Variants in PPP1R37 observed in about 807,000 individuals in gnomAD.
PPP1R37 encodes protein phosphatase 1 regulatory subunit 37.
PPP1R37 carries 21 observed loss-of-function variants against 61.0 expected under a neutral mutation model. The observed-to-expected ratio is 0.34, with a 90% CI of 0.24 to 0.50. The LOEUF is 0.50. PPP1R37 is among the 20% of genes least tolerant of loss of function. The pLI, the probability that PPP1R37 is intolerant of heterozygous loss-of-function variation, is 0.98. For missense variants in PPP1R37, 910 were observed against 952.7 expected, an observed-to-expected ratio of 0.96 and a Z score of 0.59; for synonymous variants, 443 against 433.5, an observed-to-expected ratio of 1.02 and a Z score of -0.27.
chr19:45,097,350 A>T (rs557641150), intron 1 of PPP1R37, among the ~76,000 whole-genome samples: 284 of 151,950 alleles, frequency 1.9e-3, no homozygotes, highest in African/African-American at 6.6e-3. Flanking sequence ...AGTTATCCGG[A>T]AGCTGTTGTG....
chr19:45,112,784 T>A (rs543116314), intron 1 of PPP1R37, among the ~76,000 whole-genome samples: 2 of 152,292 alleles, frequency 1.3e-5, no homozygotes, highest in African/African-American at 4.8e-5. Context: ...TCTTGGACGC[T>A]GTTTCCAGCA....
At chr19:45,128,686 TC>T in intron 1 of PPP1R37, 1 of 1,139,814 alleles carries the variant, frequency 8.8e-7, no homozygotes, top group Non-Finnish European at 1.3e-6. Flanking sequence ...CCCTGTAAGG[TC>T]TTTGAGATGT....
In PPP1R37 at chr19:45,096,174, TG is replaced by T. The variant is rs151294306; in HGVS notation, c.202+2651del. ...GGGCTGGTGTGGAGGAGTTCATGCA[TG>T]GGGTGGGGCCTGGATGTGGCTGCTT... On this transcript the variant is annotated intron_variant, in intron 1 of 12. Coordinates refer to ENST00000221462, the MANE Select transcript of PPP1R37 (RefSeq NM_019121.2). Among the ~76,000 whole-genome samples the T allele has an allele frequency of 1.3e-3, 201 of 152,034 alleles. 1 individual carries two copies. Among genetic ancestry groups the T allele is most frequent in the African/African-American group, 4.6e-3 (189 of 41,472 alleles).
chr19:45,101,912 G>C (rs1301689180), intron 1 of PPP1R37, among the ~76,000 whole-genome samples: 1 of 152,168 alleles, frequency 6.6e-6, no homozygotes, highest in Non-Finnish European at 1.5e-5. Flanking sequence ...AGATTCCTCT[G>C]AGTCCTCCCC....
At chr19:45,129,036 G>C (rs990644823) in intron 1 of PPP1R37, 1 of 811,120 alleles carries the variant, frequency 1.2e-6, no homozygotes, top group African/African-American at 1.7e-5. Context: ...AAAAGAACTG[G>C]CTCCCAGGGT....
Position 45,142,089 on chromosome 19 carries a change from G to A in PPP1R37, c.596G>A (p.Arg199His), listed in dbSNP as rs938722979. 5.4e-5 allele frequency: 83 copies of A among 1,528,160 alleles called. No homozygotes were observed. The highest frequency in any genetic ancestry group is 1.8e-4 in the Admixed American group (9 of 50,450). The allele number at this position is 1,528,160 out of a possible 1,614,324, so 94.7% of individuals were successfully genotyped here. A position where few individuals can be genotyped will look rare whatever the true frequency, so the allele number is the denominator to read the frequency against. ...AGCTGCCTGCAGTATCTGGACGCCC[G>A]CAACACGCCCCTGCTGGACCACTCG... ...KTSCLQYLDA[R>H]NTPLLDHSAP... The change falls in exon 6 of 13, where the codon CGC becomes CAC. Residue 199 changes from arginine to histidine, a missense_variant. Arg to His is a conservative substitution (Grantham distance 29). Coordinates refer to ENST00000221462, the MANE Select transcript of PPP1R37 (RefSeq NM_019121.2).
intron 7 of PPP1R37, 162 bp downstream of exon 7, chr19:45,142,620 C>A: frequency 1.4e-6 from 1 of 739,292 alleles, no homozygotes; most frequent in Non-Finnish European, 2.2e-6. Flanking sequence ...ACAGTGACAA[C>A]CTAGAGTGGG....
intron 1 of PPP1R37, among the ~76,000 whole-genome samples, chr19:45,120,936 T>G (rs1968334881): frequency 6.6e-6 from 1 of 152,210 alleles, no homozygotes; most frequent in African/African-American, 2.4e-5. Context: ...TACTTTTGAC[T>G]GGTCTTGCCA....
At chr19:45,138,809 C>G (rs188536883) in intron 2 of PPP1R37, among the ~76,000 whole-genome samples, 198 bp downstream of exon 2, 35 of 151,672 alleles carry the variant, frequency 2.3e-4, no homozygotes, top group African/African-American at 8.0e-4. Context: ...TAAAGTAAGA[C>G]ATTCAGGTAT....
rs181892446 is a variant in PPP1R37 at position 45,141,348 on chromosome 19, C to T, written c.474C>T (p.Ile158=). ...GTGCCTCGGCCCTCTTCGACATGATCGAGTACTACGAGTCGGCCACCCACC... is the reference window on the plus strand; with the variant it reads ...GTGCCTCGGCCCTCTTCGACATGATTGAGTACTACGAGTCGGCCACCCACC... The part of the protein sequence containing the change: ...EDGASALFDM[I]EYYESATHLN... The change falls in exon 5 of 13, where the codon ATC becomes ATT. Residue 158 remains isoleucine, a synonymous_variant. Coordinates refer to ENST00000221462, the MANE Select transcript of PPP1R37 (RefSeq NM_019121.2). The T allele has an allele frequency of 1.2e-4, 187 of 1,536,026 alleles. No individual in the cohort carries two copies. Among genetic ancestry groups the T allele is most frequent in the African/African-American group, 9.2e-4 (67 of 73,172 alleles).
chr19:45,140,247 C>T lies in PPP1R37; in HGVS notation c.312C>T (p.Asp104=), dbSNP rs1445379307. ...CTCTACTTTCTCAGGAATTCACAGA[C>T]CTCGGGCACCGCCTCGACTGTCTGG... ...KLLRQLQEFT[D]LGHRLDCLDL... is the part of the protein sequence containing the mutation. The change falls in exon 3 of 13, where the codon GAC becomes GAT. Residue 104 remains aspartate, a synonymous_variant. Coordinates refer to ENST00000221462, the MANE Select transcript of PPP1R37 (RefSeq NM_019121.2). The T allele has an allele frequency of 6.5e-7, 1 of 1,536,112 alleles. No homozygotes were observed. The highest frequency in any genetic ancestry group is 2.4e-5 in the East Asian group (1 of 40,922).
intron 1 of PPP1R37, among the ~76,000 whole-genome samples, chr19:45,122,293 CA>C (rs1240123901): frequency 6.6e-6 from 1 of 152,182 alleles, no homozygotes; most frequent in Non-Finnish European, 1.5e-5. Flanking sequence ...CTGCCATAGA[CA>C]AGAAGGGACC....
In PPP1R37 at chr19:45,112,829, G is replaced by A. The variant is rs570445524; in HGVS notation, c.202+19302G>A. On this transcript the variant is annotated intron_variant, in intron 1 of 12. Transcript: ENST00000221462. ...CCGGGGCACAGAGCAGGTGCTGGGT[G>A]AAGCAGGTGCTGGGTGAAGCAGGTA... Among the ~76,000 whole-genome samples, 6 of 152,208 alleles carry A rather than the reference G, an allele frequency of 3.9e-5. No individual in the cohort carries two copies. In the East Asian group the frequency reaches 1.2e-3, roughly 29 times the overall value.
At chr19:45,099,557 G>C (rs1334016564) in intron 1 of PPP1R37, among the ~76,000 whole-genome samples, 1 of 152,202 alleles carries the variant, frequency 6.6e-6, no homozygotes, top group Non-Finnish European at 1.5e-5. Context: ...GCTGGTGCCT[G>C]TCCTCTGCCC....
In PPP1R37 at chr19:45,145,935, C is replaced by T; in HGVS notation, c.1879C>T (p.Pro627Ser). 6.5e-7 allele frequency: 1 copy of T among 1,534,860 alleles called. No individual in the cohort carries two copies. The highest frequency in any genetic ancestry group is 8.7e-7 in the Non-Finnish European group (1 of 1,146,518). ...TGAGCCTCAGCCACCACCGGAGCCGCCTCGGTCAGGGCCACCACTGCCCAA... is the reference window on the plus strand; with the variant it reads ...TGAGCCTCAGCCACCACCGGAGCCGTCTCGGTCAGGGCCACCACTGCCCAA... ...SSEPQPPPEP[P>S]RSGPPLPNGL... The change falls in exon 11 of 13, where the codon CCT becomes TCT. Residue 627 changes from proline (P) to serine (S), a missense_variant. By Grantham distance (74) the Pro-to-Ser change is moderately conservative. Around this residue, in one of 3 missense-constraint regions of PPP1R37, gnomAD observed 549 missense variants for 505.1 expected, o/e 1.09. Transcript: ENST00000221462.
chr19:45,142,142 A>G lies in PPP1R37; in HGVS notation c.649A>G (p.Ile217Val), dbSNP rs1447482889. ...SAPFVARALR[I>V]RSSLAVLHLE... ...GCCCTTCGTGGCCCGTGCCCTGCGC[A>G]TCCGCAGCAGCCTGGCAGTGCTGCA... The change falls in exon 6 of 13, where the codon ATC (isoleucine) becomes GTC (valine). Residue 217 changes from isoleucine (I) to valine (V), a missense_variant. Ile to Val is a conservative substitution (Grantham distance 29). Transcript: ENST00000221462. The G allele has an allele frequency of 7.8e-6, 12 of 1,534,760 alleles. No individual in the cohort carries two copies. Among genetic ancestry groups the G allele is most frequent in the Non-Finnish European group, 3.5e-6 (4 of 1,146,422 alleles).
At chr19:45,131,419 G>C in intron 1 of PPP1R37, among the ~76,000 whole-genome samples, 1 of 152,210 alleles carries the variant, frequency 6.6e-6, no homozygotes, top group East Asian at 1.9e-4. Flanking sequence ...GAGTTGAGCT[G>C]TGCTGTGGTT....
At position 45,145,221 on chromosome 19, in the gene PPP1R37, G is replaced by C; in HGVS notation, c.1257G>C (p.Leu419=). ...LSLALKVNHS[L]LRLDLDREPK... The stretch of plus-strand genomic sequence containing the variant: ...TGGCCCTCAAGGTGAACCACTCACT[G>C]CTGCGCCTGGACCTCGACCGTGAAC... The change falls in exon 10 of 13, where the codon CTG becomes CTC. Residue 419 remains leucine, a synonymous_variant. Transcript: ENST00000221462. 6.5e-7 allele frequency: 1 copy of C among 1,535,016 alleles called. No individual in the cohort carries two copies. Among genetic ancestry groups the C allele is most frequent in the East Asian group, 2.4e-5 (1 of 40,882 alleles).
At chr19:45,139,513 C>T (rs1052093523) in intron 2 of PPP1R37, among the ~76,000 whole-genome samples, 1 of 152,166 alleles carries the variant, frequency 6.6e-6, no homozygotes, top group Admixed American at 6.5e-5. Flanking sequence ...GTCAGTGAAG[C>T]ACCGCTCGTT....
Sources: gnomAD v4.1 joint callset for allele counts (sites outside exome capture counted in the v4.1 genomes callset) on GRCh38, gnomAD v4.1.1 for gene constraint, gnomAD v4.1.1 regional missense constraint, MANE v1.5 for transcripts, NCBI Gene and HGNC (gene_info 2026-07-23, HGNC 2026-07-21) for gene names.